DMD: variants seen among roughly 807,000 people sequenced by gnomAD.
DMD encodes mutant dystrophin.
Under a neutral mutation model 330.1 loss-of-function variants are expected in DMD, and 63 were observed. The observed-to-expected ratio is 0.19, with a 90% CI of 0.16 to 0.24. The LOEUF (loss-of-function observed/expected upper bound fraction) is 0.24. Ranked by LOEUF, DMD falls within the 10% of genes least tolerant of loss-of-function variation. The pLI is 1.00. For synonymous variants in DMD, 1,223 were observed against 959.8 expected (o/e 1.27, Z -5.07); for missense variants, 3,344 against 2,684.1 (o/e 1.25, Z -5.43).
chrX:32,794,705 C>T (rs1445220446), intron 7 of DMD, among the ~76,000 whole-genome samples: 1 of 112,145 alleles, frequency 8.9e-6, no homozygotes, highest in South Asian at 3.7e-4. Flanking sequence ...AAATACAAGG[C>T]GTCCTAATAG....
At chrX:32,685,925 G>A (rs958981717) in intron 9 of DMD, among the ~76,000 whole-genome samples, 1 of 111,639 alleles carries the variant, frequency 9.0e-6, no homozygotes, top group African/African-American at 3.3e-5. Flanking sequence ...TGATTTTAAA[G>A]TCACTCTAAT....
chrX:31,777,849 T>G (rs2090765792), intron 50 of DMD, among the ~76,000 whole-genome samples: 1 of 111,925 alleles, frequency 8.9e-6, no homozygotes, highest in Non-Finnish European at 1.9e-5. Flanking sequence ...TTTTCCTGCA[T>G]TTCTCACACA....
At chrX:31,421,622 G>A (rs1304131868) in intron 60 of DMD, among the ~76,000 whole-genome samples, 2 of 110,482 alleles carry the variant, frequency 1.8e-5, no homozygotes, top group Non-Finnish European at 3.8e-5. Context: ...ATGTAAACAG[G>A]CATTTTGGGC....
At chrX:32,426,841 C>G (rs957820467) in intron 29 of DMD, among the ~76,000 whole-genome samples, 13 of 111,530 alleles carry the variant, frequency 1.2e-4, no homozygotes, top group African/African-American at 4.2e-4. Flanking sequence ...TTCTACTTAG[C>G]AAACTAATGC....
intron 9 of DMD, among the ~76,000 whole-genome samples, chrX:32,655,530 C>T (rs2060499119): frequency 8.9e-6 from 1 of 111,861 alleles, no homozygotes; most frequent in African/African-American, 3.3e-5. Context: ...TGTTCTTTTA[C>T]ATTTGCTGAG....
At chrX:31,990,931 G>A (rs1375195444) in intron 44 of DMD, among the ~76,000 whole-genome samples, 5 of 112,187 alleles carry the variant, frequency 4.5e-5, no homozygotes. Context: ...AATACCTGAT[G>A]AATTTCCAAA....
At position 32,252,599 on chromosome X, in the gene DMD, T is replaced by TATATATATAA. The variant is rs1557242667; in HGVS notation, c.6290+34929_6290+34930insTTATATATAT. ...ATATAGTGCCATATATATATATATA[T>TATATATATAA]AAACATATATAAATAAATATATAAA... is the stretch of plus-strand genomic sequence containing the variant. On this transcript the variant is annotated intron_variant, in intron 43 of 78. Coordinates refer to ENST00000357033, the MANE Select transcript of DMD (RefSeq NM_004006.3). Among the ~76,000 whole-genome samples, 206 of 74,091 alleles carry TATATATATAA rather than the reference T, an allele frequency of 2.8e-3. 2 individuals carry two copies. Among genetic ancestry groups the TATATATATAA allele is most frequent in the Middle Eastern group, 8.7e-3 (1 of 115 alleles). The allele number at this position is 74,091 out of a possible 115,157, so 64.3% of individuals were successfully genotyped here.
At chrX:32,908,440 A>G (rs1355565634) in intron 2 of DMD, among the ~76,000 whole-genome samples, 4 of 112,290 alleles carry the variant, frequency 3.6e-5, no homozygotes, top group Non-Finnish European at 7.5e-5. Context: ...TTAACTTATG[A>G]GTAATCAACC....
At chrX:32,560,089 G>A (rs1193777303) in intron 16 of DMD, among the ~76,000 whole-genome samples, 1 of 109,016 alleles carries the variant, frequency 9.2e-6, no homozygotes, top group Non-Finnish European at 1.9e-5. Flanking sequence ...TGAGATATTT[G>A]AACCTTAATA....
At chrX:32,648,244 CT>C (rs2059908057) in intron 9 of DMD, among the ~76,000 whole-genome samples, 2 of 111,323 alleles carry the variant, frequency 1.8e-5, no homozygotes, top group Non-Finnish European at 3.8e-5. Context: ...AGACAGCCTT[CT>C]TAAAGATAAA....
intron 33 of DMD, among the ~76,000 whole-genome samples, chrX:32,381,217 A>G (rs1463149456): frequency 9.0e-6 from 1 of 111,668 alleles, no homozygotes; most frequent in African/African-American, 3.2e-5. Flanking sequence ...TCTGCTCAAA[A>G]ACAATACAGT....
At chrX:32,136,325 C>A (rs761654889) in intron 44 of DMD, among the ~76,000 whole-genome samples, 1 of 112,233 alleles carries the variant, frequency 8.9e-6, no homozygotes, top group African/African-American at 3.2e-5. Flanking sequence ...TATCATGCCC[C>A]CTGGGCAAAG....
At chrX:31,929,454 A>G (rs1156962084) in intron 47 of DMD, 142 bp downstream of exon 47, 2 of 704,836 alleles carry the variant, frequency 2.8e-6, no homozygotes, top group East Asian at 6.5e-5. Context: ...GCCAAAGCAA[A>G]CGGTCAGGTT....
At chrX:33,096,935 G>T (rs1055040485) in intron 1 of DMD, among the ~76,000 whole-genome samples, 2 of 112,476 alleles carry the variant, frequency 1.8e-5, no homozygotes, top group African/African-American at 6.5e-5. Context: ...CAAACAGAAT[G>T]ATTCATAAGC....
chrX:31,421,858 ACTCTCTCTCTCT>A (rs56157177), intron 60 of DMD, among the ~76,000 whole-genome samples: 5 of 77,332 alleles, frequency 6.5e-5, no homozygotes, highest in African/African-American at 2.4e-4. Flanking sequence ...CTCCCTGCTT[ACTCTCTCTCTCT>A]CTCTCTCTCT....
chrX:32,230,715 A>C (rs1761260500), intron 43 of DMD, among the ~76,000 whole-genome samples: 1 of 112,075 alleles, frequency 8.9e-6, no homozygotes, highest in African/African-American at 3.2e-5. Context: ...TGTAAACTTC[A>C]GCAAGTGATT....
intron 4 of DMD, among the ~76,000 whole-genome samples, chrX:32,836,354 A>G (rs1328784732): frequency 1.8e-5 from 2 of 110,909 alleles, no homozygotes; most frequent in Non-Finnish European, 3.8e-5. Flanking sequence ...TTTATAATAA[A>G]CATATATGTA....
At chrX:33,160,335 A>G (rs1327850564) in intron 1 of DMD, among the ~76,000 whole-genome samples, 1 of 111,590 alleles carries the variant, frequency 9.0e-6, no homozygotes, top group African/African-American at 3.3e-5. Flanking sequence ...AGTGTCCTCT[A>G]GGGTGGACTC....
intron 1 of DMD, among the ~76,000 whole-genome samples, chrX:33,273,762 T>G (rs971859445): frequency 9.8e-5 from 11 of 112,611 alleles, no homozygotes; most frequent in African/African-American, 3.6e-4. Context: ...ACAACCTCAG[T>G]TATGCATAAT....
Sources: gnomAD v4.1 joint callset for allele counts (sites outside exome capture counted in the v4.1 genomes callset) on GRCh38, gnomAD v4.1.1 for gene constraint, MANE v1.5 for transcripts, NCBI Gene and HGNC (gene_info 2026-07-23, HGNC 2026-07-21) for gene names.